NOC2L: variants seen among roughly 807,000 people sequenced by gnomAD.
NOC2L encodes NOC2 like nucleolar associated transcriptional repressor.
Under a neutral mutation model 94.2 loss-of-function variants are expected in NOC2L, and 101 were observed. The ratio of observed to expected loss-of-function variants is 1.07; its 90% CI spans 0.91 to 1.26. The LOEUF is 1.26. Among genes scored for constraint, NOC2L ranks in the 50% most tolerant of loss-of-function variants. The pLI is 0.00. For synonymous variants in NOC2L, 531 were observed against 413.4 expected, an observed-to-expected ratio of 1.28 and a Z score of -3.45; for missense variants, 1,076 against 980.1, an observed-to-expected ratio of 1.10 and a Z score of -1.31.
rs749621887 is a variant in NOC2L at position 956,964 on chromosome 1, C to T, written c.416G>A (p.Gly139Glu). 1.9e-6 allele frequency: 3 copies of T among 1,613,994 alleles called. No homozygotes were observed. Among genetic ancestry groups the T allele is most frequent in the Admixed American group, 1.7e-5 (1 of 60,012 alleles). Reference protein sequence around the residue: ...EGEDGDRVPRGLKGKKNSVPV... With the variant: ...EGEDGDRVPRELKGKKNSVPV... ...AACAGAATTCTTCTTCCCCTTCAGC[C>T]CTCTGGGGACTCTGTCCCCATCTTC... is the stretch of plus-strand genomic sequence containing the variant. Residue 139 changes from glycine to glutamate, a missense_variant, in exon 4 of 19, where the codon GGG becomes GAG. This residue lies in a region of NOC2L where 457 missense variants were observed against 386.0 expected (regional missense o/e 1.18). Coordinates refer to ENST00000327044, the MANE Select transcript of NOC2L (RefSeq NM_015658.4).
rs1190446638 is a variant in NOC2L, at chr1:957,234, G to A, written c.219C>T (p.Leu73=). The A allele has an allele frequency of 6.2e-7, 1 of 1,613,794 alleles. No individual in the cohort carries two copies. The highest frequency in any genetic ancestry group is 8.5e-7 in the Non-Finnish European group (1 of 1,180,030). The stretch of plus-strand genomic sequence containing the variant: ...CGGGGTCTCTGTCCTTCAGCCGAGA[G>A]AGCTGGTCTTTGTGCTCAGAGGCAC... ...KGRASEHKDQ[L]SRLKDRDPEF... Residue 73 remains leucine, a synonymous_variant, in exon 3 of 19, where the codon CTC becomes CTT. Coordinates refer to ENST00000327044, the MANE Select transcript of NOC2L (RefSeq NM_015658.4).
chr1:948,030 C>T (rs1481669877), intron 14 of NOC2L, 101 bp downstream of exon 14: 1 of 919,474 alleles, frequency 1.1e-6, no homozygotes, highest in African/African-American at 1.6e-5. Flanking sequence ...ACCCCAGTCC[C>T]AGGTACCCGG....
chr1:958,997 T>C lies in NOC2L; in HGVS notation c.111A>G (p.Gln37=). 4 of 1,612,684 alleles carry C rather than the reference T, an allele frequency of 2.5e-6. No homozygotes were observed. Among genetic ancestry groups the C allele is most frequent in the Non-Finnish European group, 3.4e-6 (4 of 1,179,928 alleles). Residue 37 remains glutamine, a synonymous_variant, in exon 2 of 19, where the codon CAA becomes CAG. Coordinates refer to ENST00000327044, the MANE Select transcript of NOC2L (RefSeq NM_015658.4). ...CCTCGCGTGCTTCCCGTGTCTCCGC[T>C]TGTGGAGAATTTTCGGACTCGGATT... ...ESESESENSP[Q]AETREAREAA... is the part of the protein sequence containing the mutation.
rs746824727 is a variant in NOC2L at position 948,559 on chromosome 1, G to A, written c.1488C>T (p.Ser496=). The part of the protein sequence containing the change: ...VDFNRKPGRM[S]SKPINFSVIL... ...TCACGGAGAAGTTGATGGGCTTGGA[G>A]CTCATGCGCCCTGGCTTCCTGTTGA... Residue 496 remains serine, a synonymous_variant, in exon 13 of 19, where the codon AGC becomes AGT. Transcript: ENST00000327044. 5.0e-6 allele frequency: 8 copies of A among 1,613,626 alleles called. No homozygotes were observed. Among genetic ancestry groups the A allele is most frequent in the Non-Finnish European group, 6.8e-6 (8 of 1,179,940 alleles).
rs550223923 is a variant in NOC2L at position 954,348 on chromosome 1, C to T, written c.699-266G>A. On this transcript the variant is annotated intron_variant, in intron 6 of 18. Transcript: ENST00000327044. ...GGTTGGCCACCGCCCTAAGAGTCCC[C>T]GGAAGTCCCAGCCTCCAACTCCCTC... The T allele has an allele frequency of 7.1e-5, 31 of 439,340 alleles. No individual in the cohort carries two copies. In the South Asian group the frequency reaches 1.6e-3, roughly 22 times the overall value. The allele number at this position is 439,340 out of a possible 1,614,324, so 27.2% of individuals were successfully genotyped here. A position where few individuals can be genotyped will look rare whatever the true frequency, so the allele number is the denominator to read the frequency against.
chr1:958,502 G>C, intron 2 of NOC2L: 1 of 356,770 alleles, frequency 2.8e-6, no homozygotes, highest in Non-Finnish European at 5.6e-6. Flanking sequence ...TGCCCGCCTC[G>C]GCCTCCCAAA....
chr1:945,201 A>G, intron 17 of NOC2L, 55 bp from the exon 18 acceptor site: 1 of 1,543,916 alleles, frequency 6.5e-7, no homozygotes, highest in East Asian at 2.4e-5. Flanking sequence ...TCCACCAGCA[A>G]AGTCACAGTG....
intron 14 of NOC2L, among the ~76,000 whole-genome samples, chr1:947,280 G>A (rs535985614): frequency 6.6e-6 from 1 of 152,206 alleles, no homozygotes; most frequent in African/African-American, 2.4e-5. Flanking sequence ...CACCACCCAA[G>A]AGGACATGGG....
chr1:955,010 GCAGCTGCCCACC>G lies in NOC2L; in HGVS notation c.698+901_698+912del, dbSNP rs1329813568. Among the ~76,000 whole-genome samples, 3 of 152,362 alleles carry G rather than the reference GCAGCTGCCCACC, an allele frequency of 2.0e-5. No individual in the cohort carries two copies. The East Asian group carries it at 5.8e-4, about 29-fold the overall frequency. On this transcript the variant is annotated intron_variant, in intron 6 of 18. Coordinates refer to ENST00000327044, the MANE Select transcript of NOC2L (RefSeq NM_015658.4). ...TGCTGACACTGGCTGCTGGGCACCT[GCAGCTGCCCACC>G]CAGACCCAGGAGGCAGCTCTGCTCC...
chr1:944,429 C>A lies in NOC2L; in HGVS notation c.*265G>T, dbSNP rs905366888. 1.9e-6 allele frequency: 2 copies of A among 1,060,176 alleles called. No homozygotes were observed. Among genetic ancestry groups the A allele is most frequent in the Middle Eastern group, 3.2e-4 (1 of 3,150 alleles). 65.7% of individuals were successfully genotyped at this position (1,060,176 alleles called of 1,614,324 possible). Reference sequence around the variant, plus strand: ...CTCCCCCTGGAACTGGGACTGGTCTCGGTCTGCTGACGTCAGGGTCAGCTC... The same window carrying A: ...CTCCCCCTGGAACTGGGACTGGTCTAGGTCTGCTGACGTCAGGGTCAGCTC... On this transcript the variant is annotated 3_prime_UTR_variant, in exon 19 of 19. Coordinates refer to ENST00000327044, the MANE Select transcript of NOC2L (RefSeq NM_015658.4).
chr1:958,452 G>A (rs1642478326), intron 2 of NOC2L: 2 of 332,008 alleles, frequency 6.0e-6, no homozygotes, highest in East Asian at 8.2e-5. Context: ...ATTTTTCCGT[G>A]TTGGTCAGGC....
At position 945,537 on chromosome 1, in the gene NOC2L, G is replaced by A. The variant is rs369884550; in HGVS notation, c.2034C>T (p.Thr678=). ...CCCCACCTCTCTCCGAGAATCCCTC[G>A]GTGTCGTCCTCTTCAGAGCTGTTCA... The part of the protein sequence containing the change: ...FDLNSSEEDD[T]EGFSERGILR... The change falls in exon 17 of 19, where the codon ACC becomes ACT. Residue 678 remains threonine (T), a synonymous_variant. Coordinates refer to ENST00000327044, the MANE Select transcript of NOC2L (RefSeq NM_015658.4). The A allele has an allele frequency of 2.2e-5, 35 of 1,613,802 alleles. No homozygotes were observed. Among genetic ancestry groups the A allele is most frequent in the South Asian group, 1.1e-4 (10 of 91,076 alleles).
rs1642303559 is a variant in NOC2L, at chr1:953,165, C to T, written c.1002+10G>A. 1.3e-6 allele frequency: 2 copies of T among 1,586,492 alleles called. No homozygotes were observed. Among genetic ancestry groups the T allele is most frequent in the Non-Finnish European group, 1.7e-6 (2 of 1,155,288 alleles). ...ATGCTGAGGGACACAGACGCAGGGC[C>T]CACCACTACCTTGAGGACGGGGCCA... On this transcript the variant is annotated intron_variant, in intron 9 of 18. Transcript: ENST00000327044.
At chr1:949,749 G>A (rs1642202448) in intron 12 of NOC2L, among the ~76,000 whole-genome samples, 1 of 152,176 alleles carries the variant, frequency 6.6e-6, no homozygotes, top group Admixed American at 6.5e-5. Context: ...GCCAAGGGCT[G>A]GGCAATCAGA....
chr1:945,210 T>G (rs1368347429), intron 17 of NOC2L, 64 bp from the exon 18 acceptor site: 115 of 1,536,508 alleles, frequency 7.5e-5, no homozygotes, highest in Non-Finnish European at 9.9e-5. Flanking sequence ...AAAGTCACAG[T>G]GGGGGCAGGA....
Position 952,019 on chromosome 1 carries a change from C to A in NOC2L, c.1312G>T (p.Val438Phe). The stretch of plus-strand genomic sequence containing the variant: ...ACTCACTTGATACAGCCAATGATGA[C>A]TTGGGCAAGGGGGTAGACCAAGGGC... ...LQPLVYPLAQ[V>F]IIGCIKLIPT... is the part of the protein sequence containing the mutation. The change falls in exon 11 of 19, where the codon GTC (valine) becomes TTC (phenylalanine). Residue 438 changes from valine (V) to phenylalanine (F), a missense_variant. Around this residue, in one of 3 missense-constraint regions of NOC2L, gnomAD observed 615 missense variants for 577.4 expected, o/e 1.07. Transcript: ENST00000327044. 1 of 1,612,830 alleles carries A rather than the reference C, an allele frequency of 6.2e-7. No individual in the cohort carries two copies. Among genetic ancestry groups the A allele is most frequent in the Non-Finnish European group, 8.5e-7 (1 of 1,179,488 alleles).
At position 945,725 on chromosome 1, in the gene NOC2L, C is replaced by CG. The variant is rs1455505742; in HGVS notation, c.1918-73dup. 1.5e-5 allele frequency: 24 copies of CG among 1,597,506 alleles called. No homozygotes were observed. The African/African-American group carries it at 3.0e-4, about 20-fold the overall frequency. Reference sequence around the variant, plus strand: ...TGGCGGCCACAGCAGGGCCAGGCATCGCCAGACCCACCACCAGGGCCCCAT... The same window carrying CG: ...TGGCGGCCACAGCAGGGCCAGGCATCGGCCAGACCCACCACCAGGGCCCCAT... On this transcript the variant is annotated intron_variant, in intron 16 of 18. Coordinates refer to ENST00000327044, the MANE Select transcript of NOC2L (RefSeq NM_015658.4).
At chr1:952,837 C>A (rs954541040) in intron 9 of NOC2L, among the ~76,000 whole-genome samples, 4 of 152,214 alleles carry the variant, frequency 2.6e-5, no homozygotes, top group African/African-American at 9.7e-5. Flanking sequence ...TCCCCACATG[C>A]AGGCCACCCA....
At chr1:959,159 C>T (rs1642508267) in intron 1 of NOC2L, 56 bp downstream of exon 1, 1 of 1,611,970 alleles carries the variant, frequency 6.2e-7, no homozygotes, top group East Asian at 2.2e-5. Flanking sequence ...AGAAAAGCCC[C>T]CTTGGATACA....
Sources: gnomAD v4.1 joint callset for allele counts (sites outside exome capture counted in the v4.1 genomes callset) on GRCh38, gnomAD v4.1.1 for gene constraint, gnomAD v4.1.1 regional missense constraint, MANE v1.5 for transcripts, NCBI Gene and HGNC (gene_info 2026-07-23, HGNC 2026-07-21) for gene names.